Variants in CFAP46 observed in about 807,000 individuals in gnomAD.
CFAP46 encodes cilia and flagella associated protein 46.
CFAP46 carries 245 observed loss-of-function variants against 325.7 expected under a neutral mutation model. The ratio of observed to expected loss-of-function variants is 0.75; its 90% confidence interval spans 0.68 to 0.84. The LOEUF is 0.84. Ranked by LOEUF, CFAP46 falls within the 40% of genes least tolerant of loss-of-function variation. The pLI is 0.00. For missense variants in CFAP46, 3,346 were observed against 3,543.0 expected (o/e 0.94, Z 1.41); for synonymous variants, 1,523 against 1,495.9 (o/e 1.02, Z -0.42).
At chr10:132,836,730 G>C in intron 45 of CFAP46, 87 bp downstream of exon 45, 1 of 1,119,444 alleles carries the variant, frequency 8.9e-7, no homozygotes, top group Non-Finnish European at 1.4e-6. Flanking sequence ...GTGGGGCTGA[G>C]GTGTGGGCAG....
chr10:132,937,366 C>T (rs1850024550), intron 6 of CFAP46, 186 bp downstream of exon 6: 4 of 685,172 alleles, frequency 5.8e-6, no homozygotes, highest in Non-Finnish European at 9.7e-6. Context: ...TGTCACAGTT[C>T]TATACATCTT....
chr10:132,856,581 CATT>C (rs1487960545), intron 39 of CFAP46, among the ~76,000 whole-genome samples: 7 of 152,190 alleles, frequency 4.6e-5, no homozygotes, highest in African/African-American at 1.7e-4. Flanking sequence ...CTCCTGCCAT[CATT>C]GTCATTCACC....
chr10:132,887,238 CTCT>C, intron 25 of CFAP46, among the ~76,000 whole-genome samples: 1 of 104,838 alleles, frequency 9.5e-6, no homozygotes, highest in Admixed American at 9.0e-5. Flanking sequence ...CTCCTCTCCC[CTCT>C]TCTCTCTCCT....
At chr10:132,925,219 C>T (rs983565337) in intron 10 of CFAP46, among the ~76,000 whole-genome samples, 1 of 152,252 alleles carries the variant, frequency 6.6e-6, no homozygotes, top group South Asian at 2.1e-4. Context: ...CCCCAGAATG[C>T]CTCCTCCGGT....
At position 132,817,616 on chromosome 10, in the gene CFAP46, G is replaced by A. The variant is rs1252359509; in HGVS notation, c.7118-2702C>T. Among the ~76,000 whole-genome samples the A allele has an allele frequency of 6.6e-6, 1 of 152,104 alleles. No individual in the cohort carries two copies. ...TGGGAGTTTGCACACCGACTCTCTG[G>A]TGGTGTCCTTAGCGCTTTACGGCAG... On this transcript the variant is annotated intron_variant, in intron 50 of 57. Transcript: ENST00000368586. The surrounding 1 kb of genome is among the most constrained non-coding windows in gnomAD (Gnocchi z 4.4).
At chr10:132,815,509 G>A (rs189482168) in intron 50 of CFAP46, among the ~76,000 whole-genome samples, 1 of 152,370 alleles carries the variant, frequency 6.6e-6, no homozygotes, top group African/African-American at 2.4e-5. Context: ...TCTTTATCAG[G>A]ATGGGGCATT....
chr10:132,909,209 G>C lies in CFAP46; in HGVS notation c.2685C>G (p.Val895=). 6.4e-7 allele frequency: 1 copy of C among 1,550,390 alleles called. No individual in the cohort carries two copies. The change falls in exon 21 of 58, where the codon GTC becomes GTG. Residue 895 remains valine (V), a synonymous_variant. Coordinates refer to ENST00000368586, the MANE Select transcript of CFAP46 (RefSeq NM_001200049.3). ...ATGAGTACATTTCCAAGGCAACGAG[G>C]ACTCTGGTCACCGAGCTGACATCCT... ...TNEDVSSVTR[V]LVALEMYSCN... is the part of the protein sequence containing the mutation.
At chr10:132,865,153 C>CT (rs1848795193) in intron 35 of CFAP46, among the ~76,000 whole-genome samples, 1 of 152,228 alleles carries the variant, frequency 6.6e-6, no homozygotes, top group African/African-American at 2.4e-5. Flanking sequence ...GAAAGCAACT[C>CT]TAAAATCTGG....
At chr10:132,921,793 A>G (rs969517192) in intron 13 of CFAP46, among the ~76,000 whole-genome samples, 2 of 152,216 alleles carry the variant, frequency 1.3e-5, no homozygotes, top group Non-Finnish European at 2.9e-5. Context: ...CTCAGGGGGA[A>G]TCAGCCCTGC....
At chr10:132,814,293 C>T (rs1217596119) in intron 53 of CFAP46, 39 bp from the exon 54 acceptor site, 7 of 1,534,032 alleles carry the variant, frequency 4.6e-6, no homozygotes, top group Non-Finnish European at 6.3e-6. Flanking sequence ...CACGGTGTTT[C>T]ATCAGACACG....
Position 132,876,980 on chromosome 10 carries a change from A to G in CFAP46, c.4213-19T>C, listed in dbSNP as rs1225266221. ...TTTGAGACTAGAAAGGCAAGAATAC[A>G]GGATTTACCTGAAACGGTGGAGGTG... On this transcript the variant is annotated intron_variant, in intron 30 of 57. Coordinates refer to ENST00000368586, the MANE Select transcript of CFAP46 (RefSeq NM_001200049.3). The surrounding 1 kb of genome is among the most constrained non-coding windows in gnomAD (Gnocchi z 4.1). 6.5e-7 allele frequency: 1 copy of G among 1,547,376 alleles called. No homozygotes were observed. The highest frequency in any genetic ancestry group is 2.4e-5 in the East Asian group (1 of 40,876).
chr10:132,832,539 T>A lies in CFAP46; in HGVS notation c.7117+819A>T, dbSNP rs552591252. On this transcript the variant is annotated intron_variant, in intron 50 of 57. Transcript: ENST00000368586. The surrounding 1 kb of genome is among the most constrained non-coding windows in gnomAD (Gnocchi z 4.1). ...AAAACCCTCATTTCATGTGCTTTTC[T>A]CTGGTTTTTATTTGTCTCAGCTGGA... 2.0e-4 allele frequency: 66 copies of A among 331,508 alleles called. No individual in the cohort carries two copies. The highest frequency in any genetic ancestry group is 1.3e-3 in the African/African-American group (60 of 46,058). The allele number at this position is 331,508 out of a possible 1,614,324, so 20.5% of individuals were successfully genotyped here. A position where few individuals can be genotyped will look rare whatever the true frequency, so the allele number is the denominator to read the frequency against.
chr10:132,918,888 C>T (rs1008369084), intron 15 of CFAP46, among the ~76,000 whole-genome samples: 5 of 152,224 alleles, frequency 3.3e-5, no homozygotes, highest in Admixed American at 1.3e-4. Context: ...TCACCTCCCT[C>T]GTCCCTCCGG....
chr10:132,918,531 T>G lies in CFAP46; in HGVS notation c.1859-11A>C, dbSNP rs12049725. On this transcript the variant is annotated splice_polypyrimidine_tract_variant and intron_variant, in intron 15 of 57. Transcript: ENST00000368586. Reference sequence around the variant, plus strand: ...CTCGCTTCTTCTTCCCTGAGAGAAATGGCAGCAGGTAAGGATCATGTTTTT... The same window carrying G: ...CTCGCTTCTTCTTCCCTGAGAGAAAGGGCAGCAGGTAAGGATCATGTTTTT... 0.024 allele frequency: 35,892 copies of G among 1,513,638 alleles called. 591 individuals carry two copies. Among genetic ancestry groups the G allele is most frequent in the Non-Finnish European group, 0.023 (25,874 of 1,122,390 alleles). The allele number at this position is 1,513,638 out of a possible 1,614,324, so 93.8% of individuals were successfully genotyped here.
intron 35 of CFAP46, 124 bp downstream of exon 35, chr10:132,865,899 CAA>C (rs1848805752): frequency 1.0e-6 from 1 of 960,010 alleles, no homozygotes; most frequent in South Asian, 3.8e-5. Flanking sequence ...TGGACCCAGA[CAA>C]GAGAGGCACG....
Position 132,847,464 on chromosome 10 carries a change from C to A in CFAP46, c.5953-143G>T. The A allele has an allele frequency of 1.0e-6, 1 of 968,274 alleles. No individual in the cohort carries two copies. Among genetic ancestry groups the A allele is most frequent in the Non-Finnish European group, 1.6e-6 (1 of 637,906 alleles). 60.0% of individuals were successfully genotyped at this position (968,274 alleles called of 1,614,324 possible). On this transcript the variant is annotated intron_variant, in intron 41 of 57. Coordinates refer to ENST00000368586, the MANE Select transcript of CFAP46 (RefSeq NM_001200049.3). This position sits in a 1 kb window ranked among gnomAD's most constrained non-coding sequence, Gnocchi z 5.2. Reference sequence around the variant, plus strand: ...GGTACCGCAGGCCACAGCATGGCCTCTCACTATCCCAAACCCTCCATCCCT... The same window carrying A: ...GGTACCGCAGGCCACAGCATGGCCTATCACTATCCCAAACCCTCCATCCCT...
intron 22 of CFAP46, among the ~76,000 whole-genome samples, chr10:132,907,435 A>G (rs1164212456): frequency 5.3e-5 from 8 of 152,328 alleles, no homozygotes; most frequent in African/African-American, 1.9e-4. Context: ...TTCTGTGTCC[A>G]GCTATGCTGA....
chr10:132,936,002 T>C (rs4880225), intron 7 of CFAP46, among the ~76,000 whole-genome samples: 4,740 of 26,632 alleles, frequency 0.18, 516 homozygotes, highest in Middle Eastern at 0.31. Context: ...ATCTCCTCAC[T>C]CCCCTCGGCA....
At chr10:132,915,593 C>T (rs533872740) in intron 17 of CFAP46, among the ~76,000 whole-genome samples, 94 of 151,376 alleles carry the variant, frequency 6.2e-4, no homozygotes, top group African/African-American at 1.9e-3. Context: ...CCGGTGAGGG[C>T]GGGGCGCCGT....
Sources: gnomAD v4.1 joint callset for allele counts (sites outside exome capture counted in the v4.1 genomes callset) on GRCh38, gnomAD v4.1.1 for gene constraint, Gnocchi (gnomAD v3.1) non-coding constraint, MANE v1.5 for transcripts, NCBI Gene and HGNC (gene_info 2026-07-23, HGNC 2026-07-21) for gene names.